The following SAAL1 variants were observed in gnomAD, a reference collection of about 807,000 sequenced individuals.
The protein encoded by SAAL1 is protein SAAL1.
Under a neutral mutation model 59.8 loss-of-function variants are expected in SAAL1, and 42 were observed. That is an observed-to-expected ratio of 0.70 (90% CI 0.55 to 0.91). The LOEUF is 0.91. Among genes scored for constraint, SAAL1 ranks in the 40% least tolerant of loss-of-function variants. The probability of loss-of-function intolerance (pLI) is 0.00; values close to 1 mark genes in which losing one functional copy is unlikely to be tolerated. For synonymous variants in SAAL1, 191 were observed against 194.3 expected, an observed-to-expected ratio of 0.98 and a Z score of 0.14; for missense variants, 542 against 561.1, an observed-to-expected ratio of 0.97 and a Z score of 0.34.
intron 10 of SAAL1, among the ~76,000 whole-genome samples, chr11:18,082,081 G>T (rs971337478): frequency 6.6e-6 from 1 of 152,110 alleles, no homozygotes; most frequent in Non-Finnish European, 1.5e-5. Context: ...TATGACATAA[G>T]AATTTGCATG....
chr11:18,101,000 C>T (rs573396725), intron 2 of SAAL1, among the ~76,000 whole-genome samples: 16 of 152,116 alleles, frequency 1.1e-4, no homozygotes, highest in African/African-American at 3.9e-4. Context: ...ACACAGAGTA[C>T]AAATAAACAC....
chr11:18,097,416 A>G (rs1474971777), intron 2 of SAAL1, among the ~76,000 whole-genome samples: 1 of 152,206 alleles, frequency 6.6e-6, no homozygotes, highest in Non-Finnish European at 1.5e-5. Flanking sequence ...CCAGAGGATT[A>G]TCCCACTCTT....
intron 7 of SAAL1, among the ~76,000 whole-genome samples, chr11:18,087,841 T>C (rs955669105): frequency 6.6e-6 from 1 of 152,248 alleles, no homozygotes; most frequent in African/African-American, 2.4e-5. Flanking sequence ...TCAGGCACTA[T>C]GTTAGGAGTT....
intron 9 of SAAL1, among the ~76,000 whole-genome samples, chr11:18,086,312 CA>C (rs1375152473): frequency 6.6e-6 from 1 of 151,958 alleles, no homozygotes; most frequent in Non-Finnish European, 1.5e-5. Flanking sequence ...TGAGGTGAGA[CA>C]ATCACCTGAG....
At position 18,103,235 on chromosome 11, in the gene SAAL1, C is replaced by T; in HGVS notation, c.247G>A (p.Glu83Lys). The change falls in exon 2 of 12, where the codon GAG becomes AAG. Residue 83 changes from glutamate to lysine, a missense_variant and splice_region_variant. Glu to Lys is a moderately conservative substitution (Grantham distance 56). Transcript: ENST00000524803. ...GAGTTTTGTTTCCAGCCTCATACCTCATCCATTGACATATCCCATACTCTG... is the reference window on the plus strand; with the variant it reads ...GAGTTTTGTTTCCAGCCTCATACCTTATCCATTGACATATCCCATACTCTG... ...ICRVWDMSMD[E>K]DVALFLQEFN... The T allele has an allele frequency of 6.3e-7, 1 of 1,596,320 alleles. No individual in the cohort carries two copies. Among genetic ancestry groups the T allele is most frequent in the Non-Finnish European group, 8.6e-7 (1 of 1,163,968 alleles).
intron 9 of SAAL1, among the ~76,000 whole-genome samples, chr11:18,083,932 A>G (rs1280383460): frequency 5.9e-5 from 9 of 152,240 alleles, no homozygotes; most frequent in Admixed American, 5.9e-4. Context: ...GTTTTGGTTA[A>G]GTTCTATGAA....
At chr11:18,092,721 G>A (rs1848534470) in intron 3 of SAAL1, among the ~76,000 whole-genome samples, 1 of 152,150 alleles carries the variant, frequency 6.6e-6, no homozygotes, top group African/African-American at 2.4e-5. Context: ...GCACAAAGTG[G>A]GTGAACAGCA....
At chr11:18,092,473 C>G in intron 3 of SAAL1, 149 bp from the exon 4 acceptor site, 1 of 610,088 alleles carries the variant, frequency 1.6e-6, no homozygotes, top group Non-Finnish European at 3.0e-6. Flanking sequence ...TGCCTGTACC[C>G]TAACCTTGAC....
At chr11:18,081,733 C>T in intron 10 of SAAL1, 1 of 465,586 alleles carries the variant, frequency 2.1e-6, no homozygotes, top group Non-Finnish European at 3.9e-6. Context: ...AGACTACAAA[C>T]TTGGAACACA....
intron 7 of SAAL1, among the ~76,000 whole-genome samples, 155 bp downstream of exon 7, chr11:18,089,175 C>G (rs1363173727): frequency 6.6e-6 from 1 of 152,184 alleles, no homozygotes. Flanking sequence ...AACCACTATA[C>G]AGGTTGCATC....
chr11:18,084,715 C>T (rs977788719), intron 9 of SAAL1, among the ~76,000 whole-genome samples: 1 of 152,142 alleles, frequency 6.6e-6, no homozygotes, highest in African/African-American at 2.4e-5. Flanking sequence ...TTATTAAAAA[C>T]TCTTAATAAA....
At chr11:18,104,861 A>G (rs544554555) in intron 1 of SAAL1, among the ~76,000 whole-genome samples, 2 of 152,268 alleles carry the variant, frequency 1.3e-5, no homozygotes, top group African/African-American at 4.8e-5. Context: ...AAGAACTAAG[A>G]GCAGTATCAT....
chr11:18,096,944 T>A, intron 2 of SAAL1, 90 bp from the exon 3 acceptor site: 1 of 741,236 alleles, frequency 1.3e-6, no homozygotes, highest in Non-Finnish European at 2.3e-6. Flanking sequence ...ATATTAAAAT[T>A]AGAATTTTAC....
At position 18,080,308 on chromosome 11, in the gene SAAL1, G is replaced by A; in HGVS notation, c.*91C>T. The A allele has an allele frequency of 1.2e-6, 1 of 809,958 alleles. No individual in the cohort carries two copies. Among genetic ancestry groups the A allele is most frequent in the Non-Finnish European group, 2.0e-6 (1 of 501,700 alleles). The allele number at this position is 809,958 out of a possible 1,614,324, so 50.2% of individuals were successfully genotyped here. ...ACCAGACAATTATGGTCTAATATGGGCTTTAGTTAATATTTCCAATAAGTC... is the reference window on the plus strand; with the variant it reads ...ACCAGACAATTATGGTCTAATATGGACTTTAGTTAATATTTCCAATAAGTC... On this transcript the variant is annotated 3_prime_UTR_variant, in exon 12 of 12. Transcript: ENST00000524803.
In SAAL1 at chr11:18,092,280, C is replaced by G. The variant is rs369651176; in HGVS notation, c.378G>C (p.Glu126Asp). The G allele has an allele frequency of 6.2e-7, 1 of 1,607,592 alleles. No homozygotes were observed. The highest frequency in any genetic ancestry group is 8.5e-7 in the Non-Finnish European group (1 of 1,174,160). Residue 126 changes from glutamate (E) to aspartate (D), a missense_variant, in exon 4 of 12, where the codon GAG becomes GAC. Glu to Asp is a conservative substitution (Grantham distance 45). Coordinates refer to ENST00000524803, the MANE Select transcript of SAAL1 (RefSeq NM_138421.3). ...GILGNMACFQEICVSISSDKN... is the reference protein window; with the variant it reads ...GILGNMACFQDICVSISSDKN... ...TATCACTGCTGATGGACACACATAT[C>G]TCCTGGAAACAGGCCATATTACCTA...
At chr11:18,084,701 T>C (rs945033596) in intron 9 of SAAL1, among the ~76,000 whole-genome samples, 2 of 152,234 alleles carry the variant, frequency 1.3e-5, no homozygotes, top group Admixed American at 1.3e-4. Flanking sequence ...TCAACATTCC[T>C]TTTTTATTAA....
chr11:18,102,438 A>G (rs1848645811), intron 2 of SAAL1, among the ~76,000 whole-genome samples: 1 of 148,698 alleles, frequency 6.7e-6, no homozygotes, highest in Admixed American at 6.6e-5. Flanking sequence ...ACTTCAAAAC[A>G]ATATGCAGTT....
At chr11:18,103,154 A>G (rs1848651142) in intron 2 of SAAL1, 79 bp downstream of exon 2, 5 of 935,458 alleles carry the variant, frequency 5.3e-6, no homozygotes, top group African/African-American at 3.2e-5. Flanking sequence ...CCCAGAGTGA[A>G]GGACTGAACC....
At chr11:18,089,053 C>T (rs1181955822) in intron 7 of SAAL1, among the ~76,000 whole-genome samples, 1 of 152,070 alleles carries the variant, frequency 6.6e-6, no homozygotes, top group Admixed American at 6.5e-5. Context: ...AAATAAAGCA[C>T]AAGAAAATGT....
Sources: allele counts gnomAD v4.1 joint callset (sites outside exome capture counted in the v4.1 genomes callset), GRCh38; gene constraint gnomAD v4.1.1; transcripts MANE v1.5; gene names NCBI Gene and HGNC (gene_info 2026-07-23, HGNC 2026-07-21).